PCDHA1: variants seen among roughly 807,000 people sequenced by gnomAD.
The protein encoded by PCDHA1 is protocadherin alpha-1.
Under a neutral mutation model 61.3 loss-of-function variants are expected in PCDHA1, and 42 were observed. The observed-to-expected ratio is 0.69, with a 90% CI of 0.54 to 0.89. The LOEUF (loss-of-function observed/expected upper bound fraction) is 0.89. Ranked by LOEUF, PCDHA1 falls within the 40% of genes least tolerant of loss-of-function variation. The pLI is 0.00. For synonymous variants in PCDHA1, 610 were observed against 553.8 expected (o/e 1.10, Z -1.43); for missense variants, 1,256 against 1,235.3 (o/e 1.02, Z -0.25).
intron 3 of PCDHA1, among the ~76,000 whole-genome samples, chr5:140,993,585 G>T (rs2097574142): frequency 6.6e-6 from 1 of 151,526 alleles, no homozygotes; most frequent in Admixed American, 6.6e-5. Flanking sequence ...GCTTTTCTTG[G>T]CTTGGCTCCA....
rs2150166927 is a variant in PCDHA1, at chr5:140,829,387, G to A, written c.2394+40703G>A. On this transcript the variant is annotated intron_variant, in intron 1 of 3. Coordinates refer to ENST00000504120, the MANE Select transcript of PCDHA1 (RefSeq NM_018900.4). ...TGGTAACCGCGCGGGACGGGGGCTC[G>A]CCTTCGCTGTGGGCCACCGCCAGCT... 10 of 1,614,054 alleles carry A rather than the reference G, an allele frequency of 6.2e-6. No individual in the cohort carries two copies. The Admixed American group carries it at 1.2e-4, about 19-fold the overall frequency.
chr5:140,867,751 T>C (rs1280399942), intron 1 of PCDHA1: 2 of 152,116 alleles, frequency 1.3e-5, no homozygotes, highest in Non-Finnish European at 2.9e-5. Context: ...AGTTACAACT[T>C]CAGGCAAAGA....
At chr5:140,996,296 T>C (rs1252218880) in intron 3 of PCDHA1, among the ~76,000 whole-genome samples, 1 of 152,158 alleles carries the variant, frequency 6.6e-6, no homozygotes, top group African/African-American at 2.4e-5. Context: ...GAAGCACAGA[T>C]TGTAACAAAG....
In PCDHA1 at chr5:140,883,118, C is replaced by G. The variant is rs370331206; in HGVS notation, c.2394+94434C>G. ...AGATATAGTTTACTCATTTAGAAGG[C>G]CTGTATGGCCTGCAGTGGTATATGC... On this transcript the variant is annotated intron_variant, in intron 1 of 3. Coordinates refer to ENST00000504120, the MANE Select transcript of PCDHA1 (RefSeq NM_018900.4). The G allele has an allele frequency of 8.7e-6, 14 of 1,613,882 alleles. No individual in the cohort carries two copies. Among genetic ancestry groups the G allele is most frequent in the Non-Finnish European group, 1.2e-5 (14 of 1,180,016 alleles).
chr5:140,824,226 G>A (rs1441042535), intron 1 of PCDHA1: 2 of 1,550,438 alleles, frequency 1.3e-6, no homozygotes, highest in Admixed American at 3.4e-5. Context: ...TTATGTCTTA[G>A]TACACAAATA....
intron 1 of PCDHA1, chr5:140,869,622 TA>T: frequency 6.2e-7 from 1 of 1,613,790 alleles, no homozygotes; most frequent in Non-Finnish European, 8.5e-7. Context: ...ACAGGCTAAG[TA>T]AAAATGAGTA....
At chr5:140,867,971 C>A (rs1230179778) in intron 1 of PCDHA1, 2 of 152,032 alleles carry the variant, frequency 1.3e-5, no homozygotes, top group Non-Finnish European at 2.9e-5. Flanking sequence ...ATTCTTTCAA[C>A]AAGAAACAAA....
chr5:140,914,944 CTTTTT>C (rs35695909), intron 1 of PCDHA1, among the ~76,000 whole-genome samples: 1 of 128,266 alleles, frequency 7.8e-6, no homozygotes, highest in Non-Finnish European at 1.7e-5. Context: ...GAAAAGTTGT[CTTTTT>C]TTTTTTTTTT....
At position 140,884,460 on chromosome 5, in the gene PCDHA1, C is replaced by T. The variant is rs782410675; in HGVS notation, c.2395-94489C>T. ...TGCTCGGCACCGCCCACCGAGGGCG[C>T]GTGCGCGCCGGGCAAGCCCACTCTA... On this transcript the variant is annotated intron_variant, in intron 1 of 3. Coordinates refer to ENST00000504120, the MANE Select transcript of PCDHA1 (RefSeq NM_018900.4). The T allele has an allele frequency of 2.5e-6, 4 of 1,613,730 alleles. No homozygotes were observed. The highest frequency in any genetic ancestry group is 3.3e-5 in the Admixed American group (2 of 59,998).
intron 1 of PCDHA1, chr5:140,967,993 T>C (rs372478638): frequency 1.5e-5 from 24 of 1,614,206 alleles, no homozygotes; most frequent in Non-Finnish European, 1.2e-5. Flanking sequence ...CCACACTGCC[T>C]TTCCGACTGA....
intron 1 of PCDHA1, among the ~76,000 whole-genome samples, chr5:140,880,921 T>C (rs187033233): frequency 6.6e-6 from 1 of 152,272 alleles, no homozygotes; most frequent in East Asian, 1.9e-4. Context: ...AGAAATACTA[T>C]GTTAGTAAAA....
In PCDHA1 at chr5:140,835,819, CG is replaced by C. The variant is rs2150245755; in HGVS notation, c.2394+47140del. On this transcript the variant is annotated intron_variant, in intron 1 of 3. Transcript: ENST00000504120. The stretch of plus-strand genomic sequence containing the variant: ...GGCTGCCACATCTTCACTGTGTCGG[CG>C]GGGGACGCGGACGCGCAGAAGAACG... The C allele has an allele frequency of 7.4e-6, 12 of 1,612,672 alleles. No homozygotes were observed. In the South Asian group the frequency reaches 1.2e-4, roughly 16 times the overall value.
intron 1 of PCDHA1, among the ~76,000 whole-genome samples, chr5:140,789,461 A>T (rs1554118423): frequency 6.6e-6 from 1 of 152,168 alleles, no homozygotes; most frequent in East Asian, 1.9e-4. Context: ...AAACAAAAAC[A>T]AAAACAAACC....
chr5:140,857,445 A>G lies in PCDHA1; in HGVS notation c.2394+68761A>G, dbSNP rs144782261. The G allele has an allele frequency of 8.5e-5, 136 of 1,598,262 alleles. 10 individuals carry two copies. Among genetic ancestry groups the G allele is most frequent in the Non-Finnish European group, 1.1e-4 (128 of 1,167,832 alleles). ...GAGTACACGGTGTTCGTGAAGGAGA[A>G]CAACCCGCCAGGCTGCCACATCTTC... On this transcript the variant is annotated intron_variant, in intron 1 of 3. Transcript: ENST00000504120.
intron 2 of PCDHA1, 176 bp downstream of exon 2, chr5:140,979,183 G>C (rs2096838721): frequency 1.1e-6 from 1 of 925,482 alleles, no homozygotes; most frequent in Admixed American, 6.2e-5. Context: ...CAAATGGTCA[G>C]TGCCAGATGC....
At chr5:140,790,786 G>A (rs1554118587) in intron 1 of PCDHA1, among the ~76,000 whole-genome samples, 1 of 152,152 alleles carries the variant, frequency 6.6e-6, no homozygotes, top group Non-Finnish European at 1.5e-5. Flanking sequence ...AGTTTTCTAG[G>A]TTAGTTGAGT....
intron 1 of PCDHA1, among the ~76,000 whole-genome samples, chr5:140,890,656 A>C (rs181998048): frequency 1.3e-5 from 2 of 152,300 alleles, no homozygotes; most frequent in Admixed American, 6.5e-5. Context: ...CAAAATCAAA[A>C]GTTAACTGAA....
chr5:140,830,142 T>A, intron 1 of PCDHA1: 7 of 1,613,256 alleles, frequency 4.3e-6, no homozygotes, highest in Non-Finnish European at 5.9e-6. Context: ...CGGGCGTCGG[T>A]GGGCGCCGCG....
chr5:140,997,384 A>T (rs2097769179), intron 3 of PCDHA1, among the ~76,000 whole-genome samples: 1 of 152,198 alleles, frequency 6.6e-6, no homozygotes, highest in South Asian at 2.1e-4. Context: ...AGCATACTAC[A>T]CACTTAGGCT....
Sources: gnomAD v4.1 joint callset for allele counts (sites outside exome capture counted in the v4.1 genomes callset) on GRCh38, gnomAD v4.1.1 for gene constraint, MANE v1.5 for transcripts, NCBI Gene and HGNC (gene_info 2026-07-23, HGNC 2026-07-21) for gene names.